SGCZ: variants seen among roughly 807,000 people sequenced by gnomAD.
SGCZ encodes zeta-sarcoglycan.
In SGCZ, 40 loss-of-function variants were observed where a neutral mutation model predicts 41.3. That is an observed-to-expected ratio of 0.97 (90% CI 0.75 to 1.26). The LOEUF is 1.26. Ranked by LOEUF, SGCZ falls within the 50% of genes most tolerant of loss-of-function variation. SGCZ has a pLI of 0.00. For missense variants in SGCZ, 552 were observed against 369.8 expected (o/e 1.49, Z -4.04); for synonymous variants, 206 against 137.5 (o/e 1.50, Z -3.49).
At chr8:14,331,305 T>A (rs1802312188) in intron 2 of SGCZ, among the ~76,000 whole-genome samples, 1 of 152,060 alleles carries the variant, frequency 6.6e-6, no homozygotes, top group African/African-American at 2.4e-5. Context: ...TAAGAAAAAA[T>A]TAACTTCAAC....
intron 2 of SGCZ, among the ~76,000 whole-genome samples, chr8:14,452,344 G>T (rs1012060867): frequency 1.3e-5 from 2 of 152,054 alleles, no homozygotes; most frequent in Admixed American, 6.6e-5. Context: ...GGATTTCCAG[G>T]ACAGTAAAAT....
At chr8:15,143,504 G>C (rs1222770414) in intron 1 of SGCZ, among the ~76,000 whole-genome samples, 2 of 152,200 alleles carry the variant, frequency 1.3e-5, no homozygotes, top group African/African-American at 2.4e-5. Flanking sequence ...TTTCCAAAGT[G>C]TTTTGAAAAT....
intron 3 of SGCZ, among the ~76,000 whole-genome samples, chr8:14,248,278 A>C (rs1346275): frequency 6.6e-6 from 1 of 152,274 alleles, no homozygotes; most frequent in East Asian, 1.9e-4. Flanking sequence ...GATGAGTTAC[A>C]TAAAAAGCTT....
At chr8:14,100,585 ATATAT>A (rs1211513760) in intron 7 of SGCZ, among the ~76,000 whole-genome samples, 117 of 137,078 alleles carry the variant, frequency 8.5e-4, no homozygotes, top group African/African-American at 2.3e-3. Flanking sequence ...TTTTCAAATA[ATATAT>A]TATATTTTAT....
intron 1 of SGCZ, among the ~76,000 whole-genome samples, chr8:14,987,800 T>G (rs919843656): frequency 1.3e-5 from 2 of 152,042 alleles, no homozygotes; most frequent in East Asian, 1.9e-4. Context: ...AAAAGGTAAT[T>G]AATTTTTCAG....
intron 1 of SGCZ, among the ~76,000 whole-genome samples, chr8:15,165,280 T>G (rs945384198): frequency 1.3e-5 from 2 of 152,042 alleles, no homozygotes; most frequent in Non-Finnish European, 2.9e-5. Context: ...AGAGCGAGAC[T>G]CTGTCCTCCC....
chr8:14,817,131 G>A (rs1158229333), intron 1 of SGCZ, among the ~76,000 whole-genome samples: 1 of 152,118 alleles, frequency 6.6e-6, no homozygotes, highest in Non-Finnish European at 1.5e-5. Flanking sequence ...TTCATTACAT[G>A]TTGCACACTC....
intron 1 of SGCZ, among the ~76,000 whole-genome samples, chr8:14,682,528 G>T (rs1462616820): frequency 6.7e-6 from 1 of 150,344 alleles, no homozygotes; most frequent in African/African-American, 2.4e-5. Flanking sequence ...TCCGCCTCCC[G>T]GGTTCACGCC....
intron 1 of SGCZ, among the ~76,000 whole-genome samples, chr8:14,735,350 C>T (rs1344354382): frequency 6.6e-6 from 1 of 152,162 alleles, no homozygotes; most frequent in Non-Finnish European, 1.5e-5. Flanking sequence ...GGGCACCATC[C>T]AATTGGCCGC....
chr8:14,890,793 C>A (rs1341665111), intron 1 of SGCZ, among the ~76,000 whole-genome samples: 1 of 152,158 alleles, frequency 6.6e-6, no homozygotes, highest in East Asian at 1.9e-4. Flanking sequence ...CTTCAAAGGA[C>A]AGGCTATCTT....
At chr8:14,386,690 T>A (rs752466546) in intron 2 of SGCZ, among the ~76,000 whole-genome samples, 3 of 152,188 alleles carry the variant, frequency 2.0e-5, no homozygotes, top group Non-Finnish European at 2.9e-5. Context: ...ATCATTATTA[T>A]AGAAATGGGC....
intron 3 of SGCZ, among the ~76,000 whole-genome samples, chr8:14,283,864 T>A (rs1687076184): frequency 1.3e-5 from 2 of 152,226 alleles, no homozygotes; most frequent in South Asian, 4.1e-4. Context: ...TGAATTAAAC[T>A]AGTTTACATT....
intron 1 of SGCZ, among the ~76,000 whole-genome samples, chr8:14,672,592 G>C (rs904737946): frequency 6.6e-6 from 1 of 152,162 alleles, no homozygotes; most frequent in Non-Finnish European, 1.5e-5. Context: ...AAATATAATG[G>C]TTGGAGCAGG....
intron 4 of SGCZ, among the ~76,000 whole-genome samples, chr8:14,229,095 G>C (rs1806472573): frequency 6.6e-6 from 1 of 152,042 alleles, no homozygotes; most frequent in Non-Finnish European, 1.5e-5. Context: ...GTCTCTTTCA[G>C]GTTTTAGTCT....
At chr8:14,417,971 G>A (rs1799541406) in intron 2 of SGCZ, among the ~76,000 whole-genome samples, 1 of 151,712 alleles carries the variant, frequency 6.6e-6, no homozygotes, top group Non-Finnish European at 1.5e-5. Flanking sequence ...ATTTGTCGAA[G>A]CGTATCTTTC....
chr8:15,035,467 A>G (rs1480086969), intron 1 of SGCZ, among the ~76,000 whole-genome samples: 1 of 152,188 alleles, frequency 6.6e-6, no homozygotes, highest in Non-Finnish European at 1.5e-5. Flanking sequence ...CCAGAATACA[A>G]TTAACAAAAT....
intron 1 of SGCZ, among the ~76,000 whole-genome samples, chr8:14,844,186 C>A (rs1306683022): frequency 6.6e-6 from 1 of 152,082 alleles, no homozygotes; most frequent in Non-Finnish European, 1.5e-5. Context: ...ATAACCTACA[C>A]ACATTCCCCC....
chr8:14,996,337 G>C, intron 1 of SGCZ, among the ~76,000 whole-genome samples: 1 of 152,178 alleles, frequency 6.6e-6, no homozygotes, highest in African/African-American at 2.4e-5. Flanking sequence ...CCTGACAACT[G>C]GTGCAACCAA....
At chr8:14,169,077 C>G (rs1295567188) in intron 4 of SGCZ, among the ~76,000 whole-genome samples, 1 of 152,110 alleles carries the variant, frequency 6.6e-6, no homozygotes, top group Non-Finnish European at 1.5e-5. Context: ...GTACTAAGTC[C>G]TAAGTGCTAA....
Sources: allele counts gnomAD v4.1 joint callset (sites outside exome capture counted in the v4.1 genomes callset), GRCh38; gene constraint gnomAD v4.1.1; transcripts MANE v1.5; gene names NCBI Gene and HGNC (gene_info 2026-07-23, HGNC 2026-07-21).